Variants in CEP85L observed in about 807,000 individuals in gnomAD.
The protein encoded by CEP85L is centrosomal protein of 85 kDa-like.
A neutral mutation model predicts 100.3 loss-of-function variants in CEP85L; 60 were observed. The ratio of observed to expected loss-of-function variants is 0.60; its 90% CI spans 0.49 to 0.74. The LOEUF is 0.74. CEP85L is among the 30% of genes least tolerant of loss of function. CEP85L has a pLI of 0.00. For missense variants in CEP85L, 973 were observed against 936.2 expected (o/e 1.04, Z -0.51); for synonymous variants, 319 against 322.7 (o/e 0.99, Z 0.12).
chr6:118,666,441 AT>A (rs1254649906), intron 1 of CEP85L, among the ~76,000 whole-genome samples: 1 of 152,214 alleles, frequency 6.6e-6, no homozygotes, highest in Non-Finnish European at 1.5e-5. Flanking sequence ...CTCAATACTT[AT>A]GCTCTTTCCA....
In CEP85L at chr6:118,483,948, T is replaced by A. The variant is rs1455567266; in HGVS notation, c.1438-90A>T. ...ACTTTAATATTAGACACCATTGAAT[T>A]CACCAACAGTTTCAGGTTATAGCGA... On this transcript the variant is annotated intron_variant, in intron 6 of 12. Transcript: ENST00000368491. 2.1e-5 allele frequency: 24 copies of A among 1,160,464 alleles called. No individual in the cohort carries two copies. The East Asian group carries it at 5.5e-4, about 27-fold the overall frequency. 71.9% of individuals were successfully genotyped at this position (1,160,464 alleles called of 1,614,324 possible).
chr6:118,618,177 A>G (rs1239657012), intron 2 of CEP85L, among the ~76,000 whole-genome samples: 2 of 152,224 alleles, frequency 1.3e-5, no homozygotes, highest in African/African-American at 2.4e-5. Flanking sequence ...AGCATGGGTT[A>G]CTAAGCGTGA....
intron 4 of CEP85L, among the ~76,000 whole-genome samples, chr6:118,516,368 A>G (rs1469766246): frequency 1.3e-5 from 2 of 152,210 alleles, no homozygotes; most frequent in Admixed American, 1.3e-4. Context: ...CACTCCCACC[A>G]ACAGTGTAAA....
At chr6:118,540,217 C>T (rs917699938) in intron 3 of CEP85L, among the ~76,000 whole-genome samples, 1 of 151,976 alleles carries the variant, frequency 6.6e-6, no homozygotes, top group African/African-American at 2.4e-5. Context: ...AATTAGCATA[C>T]TGTAATAGTA....
chr6:118,699,494 C>T (rs1267715819), intron 1 of CEP85L, among the ~76,000 whole-genome samples: 2 of 150,306 alleles, frequency 1.3e-5, no homozygotes, highest in African/African-American at 4.9e-5. Flanking sequence ...ACTGAGTTAA[C>T]GAACACAACA....
At chr6:118,540,627 C>CA (rs1419270637) in intron 3 of CEP85L, among the ~76,000 whole-genome samples, 2 of 151,868 alleles carry the variant, frequency 1.3e-5, no homozygotes, top group Non-Finnish European at 2.9e-5. Flanking sequence ...TGTGGTGATG[C>CA]ACACCTGTAG....
intron 2 of CEP85L, among the ~76,000 whole-genome samples, chr6:118,627,828 C>G (rs1233356974): frequency 6.6e-6 from 1 of 152,170 alleles, no homozygotes; most frequent in African/African-American, 2.4e-5. Flanking sequence ...AGCCTAAACT[C>G]TTTGTAGTTT....
At chr6:118,549,856 A>G (rs556512418) in intron 3 of CEP85L, among the ~76,000 whole-genome samples, 109 of 152,038 alleles carry the variant, frequency 7.2e-4, no homozygotes, top group African/African-American at 2.5e-3. Flanking sequence ...AGCAGAAATT[A>G]TATTAAACTT....
chr6:118,465,808 G>A (rs988161353), intron 12 of CEP85L, among the ~76,000 whole-genome samples: 1 of 152,052 alleles, frequency 6.6e-6, no homozygotes, highest in African/African-American at 2.4e-5. Flanking sequence ...CACAAATTCA[G>A]CATGTTTAAT....
intron 2 of CEP85L, among the ~76,000 whole-genome samples, chr6:118,598,560 A>G (rs191016609): frequency 3.3e-5 from 5 of 152,286 alleles, no homozygotes; most frequent in Admixed American, 2.0e-4. Context: ...TGTGAAGGTG[A>G]CAAAGACTGG....
intron 8 of CEP85L, 146 bp from the exon 9 acceptor site, chr6:118,480,659 T>G (rs1353180156): frequency 5.3e-6 from 3 of 564,318 alleles, no homozygotes; most frequent in Non-Finnish European, 9.4e-6. Context: ...TATGAAAAAC[T>G]GTTATCTATA....
At chr6:118,635,093 G>A (rs1774411414) in intron 1 of CEP85L, among the ~76,000 whole-genome samples, 1 of 152,046 alleles carries the variant, frequency 6.6e-6, no homozygotes, top group Non-Finnish European at 1.5e-5. Flanking sequence ...ACTGGAAAGT[G>A]GTATCTAAAT....
intron 1 of CEP85L, among the ~76,000 whole-genome samples, chr6:118,664,716 C>A (rs966530936): frequency 1.3e-5 from 2 of 152,124 alleles, no homozygotes. Context: ...AGAATCATAG[C>A]AACATAATTA....
chr6:118,699,490 T>C (rs1031218714), intron 1 of CEP85L, among the ~76,000 whole-genome samples: 8 of 150,340 alleles, frequency 5.3e-5, no homozygotes, highest in African/African-American at 2.0e-4. Flanking sequence ...AACGACTGAG[T>C]TAACGAACAC....
intron 3 of CEP85L, among the ~76,000 whole-genome samples, chr6:118,536,297 A>G (rs1016445450): frequency 6.6e-6 from 1 of 152,196 alleles, no homozygotes; most frequent in Non-Finnish European, 1.5e-5. Context: ...GGTAGGATAT[A>G]AGGTGTCACC....
At chr6:118,666,643 A>G (rs1776142254) in intron 1 of CEP85L, among the ~76,000 whole-genome samples, 2 of 152,164 alleles carry the variant, frequency 1.3e-5, no homozygotes, top group South Asian at 4.1e-4. Context: ...GAGCCCAGGT[A>G]GTCAGTGTCT....
At chr6:118,502,778 C>T (rs1775389486) in intron 5 of CEP85L, 2 of 601,198 alleles carry the variant, frequency 3.3e-6, no homozygotes, top group Non-Finnish European at 6.2e-6. Flanking sequence ...AGAACTTGTA[C>T]AACAAGTAAC....
At chr6:118,593,998 T>G (rs930917744) in intron 2 of CEP85L, among the ~76,000 whole-genome samples, 14 of 152,172 alleles carry the variant, frequency 9.2e-5, no homozygotes, top group African/African-American at 3.4e-4. Flanking sequence ...GCCAGGAGTC[T>G]TTTCCCTAAT....
Position 118,469,263 on chromosome 6 carries a change from T to C in CEP85L, c.2063A>G (p.Gln688Arg). The C allele has an allele frequency of 6.2e-7, 1 of 1,614,014 alleles. No individual in the cohort carries two copies. The highest frequency in any genetic ancestry group is 2.2e-5 in the East Asian group (1 of 44,868). The stretch of plus-strand genomic sequence containing the variant: ...CCTAGATTGGTCAGGTTCCTGGCCC[T>C]GATCCAATAAAGAGCATGTCTCATC... Reference protein sequence around the residue: ...QTDETCSLLDQGQEPDQSRQQ... With the variant: ...QTDETCSLLDRGQEPDQSRQQ... The change falls in exon 12 of 13, where the codon CAG becomes CGG. Residue 688 changes from glutamine to arginine, a missense_variant. By Grantham distance (43) the Gln-to-Arg change is conservative. Transcript: ENST00000368491.
Sources: allele counts gnomAD v4.1 joint callset (sites outside exome capture counted in the v4.1 genomes callset), GRCh38; gene constraint gnomAD v4.1.1; transcripts MANE v1.5; gene names NCBI Gene and HGNC (gene_info 2026-07-23, HGNC 2026-07-21).